Variants in F8 observed in about 807,000 individuals in gnomAD.
The protein encoded by F8 is antihemophilic factor.
In F8, 12 loss-of-function variants were observed where a neutral mutation model predicts 140.6. That is an observed-to-expected ratio of 0.09 (90% CI 0.05 to 0.14). F8 has a LOEUF of 0.14. Among genes scored for constraint, F8 ranks in the 10% least tolerant of loss-of-function variants. The pLI, the probability that F8 is intolerant of heterozygous loss-of-function variation, is 1.00. For synonymous variants in F8, 585 were observed against 614.6 expected (o/e 0.95, Z 0.71); for missense variants, 1,354 against 1,720.7 (o/e 0.79, Z 3.77).
At chrX:154,838,109 G>A (rs2072489453) in intron 25 of F8, among the ~76,000 whole-genome samples, 1 of 112,671 alleles carries the variant, frequency 8.9e-6, no homozygotes, top group Non-Finnish European at 1.9e-5. Flanking sequence ...GGCAAGAGGA[G>A]TACATGGCAA....
At chrX:154,984,042 G>A (rs1320141356) in intron 6 of F8, among the ~76,000 whole-genome samples, 1 of 111,570 alleles carries the variant, frequency 9.0e-6, no homozygotes, top group Non-Finnish European at 1.9e-5. Flanking sequence ...ACTTGGTGCT[G>A]GGCAGAATAG....
Position 154,930,799 on chromosome X carries a change from A to G in F8, c.2991T>C (p.Ala997=). 1 of 1,210,911 alleles carries G rather than the reference A, an allele frequency of 8.3e-7. No individual in the cohort carries two copies. Among genetic ancestry groups the G allele is most frequent in the Non-Finnish European group, 1.1e-6 (1 of 894,738 alleles). Reference sequence around the variant, plus strand: ...CTTTAGTCAACAAAGCAGGTCCATGAGCTCTTTTCCCTTTAAATAACCTAC... The same window carrying G: ...CTTTAGTCAACAAAGCAGGTCCATGGGCTCTTTTCCCTTTAAATAACCTAC... ...ESGRLFKGKR[A]HGPALLTKDN... Residue 997 remains alanine (A), a synonymous_variant, in exon 14 of 26, where the codon GCT becomes GCC. Transcript: ENST00000360256.
intron 22 of F8, among the ~76,000 whole-genome samples, chrX:154,877,618 G>C (rs2072827293): frequency 9.0e-6 from 1 of 110,945 alleles, no homozygotes; most frequent in South Asian, 3.9e-4. Flanking sequence ...TCAGCCTCCC[G>C]AGTAGCTGGG....
intron 5 of F8, among the ~76,000 whole-genome samples, chrX:154,986,488 G>A (rs782419504): frequency 2.8e-4 from 31 of 109,407 alleles, no homozygotes; most frequent in African/African-American, 9.3e-4. Context: ...ATGTGGTTTC[G>A]CCCTGTTGCC....
At chrX:155,008,370 A>G (rs1221793811) in intron 1 of F8, among the ~76,000 whole-genome samples, 2 of 112,257 alleles carry the variant, frequency 1.8e-5, no homozygotes, top group East Asian at 5.7e-4. Flanking sequence ...CCCCTGCAGC[A>G]GAAAGGCAAG....
At chrX:154,982,375 G>T (rs1471482168) in intron 6 of F8, among the ~76,000 whole-genome samples, 1 of 102,149 alleles carries the variant, frequency 9.8e-6, no homozygotes, top group Non-Finnish European at 2.0e-5. Context: ...TGAACCCCGG[G>T]GGGCAGAGCC....
intron 4 of F8, among the ~76,000 whole-genome samples, chrX:154,988,835 TGAA>T (rs1557284452): frequency 2.7e-5 from 3 of 111,531 alleles, no homozygotes; most frequent in Non-Finnish European, 3.8e-5. Context: ...CTCTTTCAAG[TGAA>T]GAAGAGCCCA....
chrX:154,868,172 T>C lies in F8; in HGVS notation c.6430-4945A>G, dbSNP rs781940040. The stretch of plus-strand genomic sequence containing the variant: ...ACTCAAATCTCACCTTGAATCGTAA[T>C]CCCCATAATGCCCACATGTCAAGGG... On this transcript the variant is annotated intron_variant, in intron 22 of 25. Coordinates refer to ENST00000360256, the MANE Select transcript of F8 (RefSeq NM_000132.4). Among the ~76,000 whole-genome samples, 4 of 111,728 alleles carry C rather than the reference T, an allele frequency of 3.6e-5. No individual in the cohort carries two copies. The South Asian group carries it at 1.5e-3, about 42-fold the overall frequency.
At chrX:154,989,280 T>C (rs2073574958) in intron 4 of F8, among the ~76,000 whole-genome samples, 1 of 111,873 alleles carries the variant, frequency 8.9e-6, no homozygotes, top group Admixed American at 9.5e-5. Flanking sequence ...TTTCTTTTGG[T>C]GTATAGGTCT....
chrX:154,952,604 A>G (rs1395690429), intron 12 of F8, among the ~76,000 whole-genome samples: 1 of 104,142 alleles, frequency 9.6e-6, no homozygotes, highest in African/African-American at 3.6e-5. Flanking sequence ...GTGCAGTGGC[A>G]CGATCTTGGC....
intron 25 of F8, among the ~76,000 whole-genome samples, chrX:154,847,252 G>A (rs1225499863): frequency 3.6e-5 from 4 of 110,863 alleles, no homozygotes; most frequent in Non-Finnish European, 7.6e-5. Flanking sequence ...GAATCTGACA[G>A]TTATGTGTCT....
At chrX:154,938,578 A>C (rs1698205406) in intron 13 of F8, among the ~76,000 whole-genome samples, 1 of 111,959 alleles carries the variant, frequency 8.9e-6, no homozygotes. Context: ...TACAAAAGGC[A>C]TTAACCATAA....
At chrX:154,981,800 A>T (rs1484363324) in intron 6 of F8, among the ~76,000 whole-genome samples, 1 of 111,423 alleles carries the variant, frequency 9.0e-6, no homozygotes, top group Non-Finnish European at 1.9e-5. Flanking sequence ...TTTTTTTGGA[A>T]ATTTATGACA....
At chrX:154,983,838 G>C (rs868964997) in intron 6 of F8, among the ~76,000 whole-genome samples, 3 of 112,249 alleles carry the variant, frequency 2.7e-5, no homozygotes, top group Non-Finnish European at 5.6e-5. Flanking sequence ...GGGGATGGTA[G>C]TCCTTCCTCC....
In F8 at chrX:154,931,564, A is replaced by G; in HGVS notation, c.2226T>C (p.Tyr742=). The G allele has an allele frequency of 8.3e-7, 1 of 1,211,118 alleles. No individual in the cohort carries two copies. Among genetic ancestry groups the G allele is most frequent in the Non-Finnish European group, 1.1e-6 (1 of 894,821 alleles). Reference sequence around the variant, plus strand: ...TCAGCAAGTATGCTGAAATATCTTCATAACTGTCCTCGTAATAATCACCAG... The same window carrying G: ...TCAGCAAGTATGCTGAAATATCTTCGTAACTGTCCTCGTAATAATCACCAG... ...KNTGDYYEDS[Y]EDISAYLLSK... Residue 742 remains tyrosine, a synonymous_variant, in exon 14 of 26, where the codon TAT becomes TAC. Transcript: ENST00000360256.
chrX:154,929,567 G>C lies in F8; in HGVS notation c.4223C>G (p.Pro1408Arg), dbSNP rs782251115. The change falls in exon 14 of 26, where the codon CCC becomes CGC. Residue 1408 changes from proline to arginine, a missense_variant. Pro to Arg is a moderately radical substitution (Grantham distance 103). Transcript: ENST00000360256. ...TGGAAATGATGATACCTTTGCAATG[G>C]GTAATGGAGATCTATTTGCTTGAGG... Reference protein sequence around the residue: ...SIPQANRSPLPIAKVSSFPSI... With the variant: ...SIPQANRSPLRIAKVSSFPSI... The C allele has an allele frequency of 8.3e-7, 1 of 1,210,749 alleles. No homozygotes were observed.
rs1474834911 is a variant in F8, at chrX:154,836,316, C to T, written c.*1281G>A. The T allele has an allele frequency of 2.7e-5, 3 of 111,265 alleles. No individual in the cohort carries two copies. The highest frequency in any genetic ancestry group is 9.8e-5 in the African/African-American group (3 of 30,531). The allele number at this position is 111,265 out of a possible 1,213,427, so 9.2% of individuals were successfully genotyped here. A position where few individuals can be genotyped will look rare whatever the true frequency, so the allele number is the denominator to read the frequency against. On this transcript the variant is annotated 3_prime_UTR_variant, in exon 26 of 26. Transcript: ENST00000360256. ...ATAACTTATCCTTGTCTCCAGCCCC[C>T]TTTACTATCAGGAGATTCTGTGTAG... is the stretch of plus-strand genomic sequence containing the variant.
At chrX:154,840,641 T>C (rs782168308) in intron 25 of F8, among the ~76,000 whole-genome samples, 1 of 112,467 alleles carries the variant, frequency 8.9e-6, no homozygotes, top group Non-Finnish European at 1.9e-5. Context: ...ACACTTCTAA[T>C]TCAACTCTAA....
chrX:154,966,247 A>G, intron 8 of F8, 106 bp from the exon 9 acceptor site: 1 of 949,781 alleles, frequency 1.1e-6, no homozygotes, highest in South Asian at 2.2e-5. Flanking sequence ...AGGAGTGAGA[A>G]AAATACAAGC....
Sources: gnomAD v4.1 joint callset for allele counts (sites outside exome capture counted in the v4.1 genomes callset) on GRCh38, gnomAD v4.1.1 for gene constraint, MANE v1.5 for transcripts, NCBI Gene and HGNC (gene_info 2026-07-23, HGNC 2026-07-21) for gene names.